Variants in ADAMTS20 observed in about 807,000 individuals in gnomAD.
The protein encoded by ADAMTS20 is A disintegrin and metalloproteinase with thrombospondin motifs 20.
A neutral mutation model predicts 260.1 loss-of-function variants in ADAMTS20; 225 were observed. The observed-to-expected ratio is 0.87, with a 90% CI of 0.78 to 0.97. The LOEUF (loss-of-function observed/expected upper bound fraction) is 0.97. ADAMTS20 is among the 50% of genes least tolerant of loss of function. ADAMTS20 has a pLI of 0.00. For missense variants in ADAMTS20, 2,400 were observed against 2,337.7 expected (o/e 1.03, Z -0.55); for synonymous variants, 802 against 769.5 (o/e 1.04, Z -0.70).
intron 11 of ADAMTS20, among the ~76,000 whole-genome samples, chr12:43,459,810 T>A (rs1039104205): frequency 2.0e-5 from 3 of 152,248 alleles, no homozygotes; most frequent in Non-Finnish European, 2.9e-5. Flanking sequence ...TGCGTGTGCA[T>A]TTTGTTAGCA....
chr12:43,530,659 T>C (rs1214538065), intron 3 of ADAMTS20, among the ~76,000 whole-genome samples: 1 of 152,152 alleles, frequency 6.6e-6, no homozygotes, highest in East Asian at 1.9e-4. Flanking sequence ...GTCTAGATTT[T>C]GTACTTTGAT....
chr12:43,502,255 A>G lies in ADAMTS20; in HGVS notation c.764T>C (p.Ile255Thr), dbSNP rs1243710559. The G allele has an allele frequency of 1.9e-6, 3 of 1,612,268 alleles. No individual in the cohort carries two copies. In the African/African-American group the frequency reaches 4.0e-5, roughly 22 times the overall value. The change falls in exon 4 of 39, where the codon ATA becomes ACA. Residue 255 changes from isoleucine to threonine, a missense_variant. By Grantham distance (89) the Ile-to-Thr change is moderately conservative. Coordinates refer to ENST00000389420, the MANE Select transcript of ADAMTS20 (RefSeq NM_025003.5). Reference sequence around the variant, plus strand: ...AATTTCAATGTATCTTGGATATGATATAAGACGTTTTTTCCTGGAATGTCT... The same window carrying G: ...AATTTCAATGTATCTTGGATATGATGTAAGACGTTTTTTCCTGGAATGTCT... ...ERRHSRKKRLISYPRYIEIMV... is the reference protein window; with the variant it reads ...ERRHSRKKRLTSYPRYIEIMV...
intron 11 of ADAMTS20, among the ~76,000 whole-genome samples, chr12:43,457,159 AT>A (rs1197081856): frequency 4.1e-5 from 6 of 148,058 alleles, no homozygotes; most frequent in Admixed American, 4.0e-4. Context: ...CTTTGACATA[AT>A]TTTTTTCTCT....
chr12:43,360,125 C>T (rs1468348603), intron 37 of ADAMTS20, among the ~76,000 whole-genome samples: 3 of 152,144 alleles, frequency 2.0e-5, no homozygotes, highest in Non-Finnish European at 2.9e-5. Flanking sequence ...AAACAAACAA[C>T]TCAATTTTTA....
chr12:43,457,414 T>C (rs571510914), intron 11 of ADAMTS20, among the ~76,000 whole-genome samples: 133 of 152,282 alleles, frequency 8.7e-4, no homozygotes, highest in Non-Finnish European at 1.8e-3. Context: ...CATATCTTGG[T>C]TTTTTAATTC....
intron 6 of ADAMTS20, among the ~76,000 whole-genome samples, chr12:43,490,800 T>C (rs1457648484): frequency 1.3e-5 from 2 of 152,128 alleles, no homozygotes; most frequent in Admixed American, 6.5e-5. Context: ...AAAATAATGG[T>C]GTTCTCAGAT....
intron 8 of ADAMTS20, among the ~76,000 whole-genome samples, chr12:43,467,521 T>C (rs758579546): frequency 3.9e-5 from 6 of 152,190 alleles, no homozygotes; most frequent in Admixed American, 3.3e-4. Flanking sequence ...CTTACCCATA[T>C]ACTAGAGACA....
At chr12:43,520,079 AT>A (rs1442854605) in intron 3 of ADAMTS20, among the ~76,000 whole-genome samples, 12 of 152,270 alleles carry the variant, frequency 7.9e-5, no homozygotes, top group African/African-American at 2.4e-4. Context: ...CTCAGTTAAA[AT>A]TTTTTTAAAT....
chr12:43,450,282 T>C (rs1218628176), intron 14 of ADAMTS20, among the ~76,000 whole-genome samples: 3 of 152,194 alleles, frequency 2.0e-5, no homozygotes, highest in Non-Finnish European at 4.4e-5. Flanking sequence ...TCTGCATACA[T>C]TGCAATAACT....
intron 33 of ADAMTS20, 39 bp downstream of exon 33, chr12:43,376,485 A>G (rs1940231745): frequency 1.3e-6 from 2 of 1,573,630 alleles, no homozygotes; most frequent in East Asian, 4.5e-5. Flanking sequence ...AACTTATTAG[A>G]AACCCTTAGG....
rs147358876 is a variant in ADAMTS20, at chr12:43,428,279, C to A, written c.3907G>T (p.Val1303Phe). The change falls in exon 26 of 39, where the codon GTC (valine) becomes TTC (phenylalanine). Residue 1303 changes from valine (V) to phenylalanine (F), a missense_variant. Physicochemically the swap from Val to Phe is conservative, Grantham distance 50 (BLOSUM62 -1). Transcript: ENST00000389420. ...CCGGTTCTCCACTGGTTTCCTCTGA[C>A]TGATGGATGGACCACCTGATTTTCA... ...DNENQVVHPS[V>F]RGNQWRTGPW... 8.1e-6 allele frequency: 13 copies of A among 1,613,890 alleles called. No homozygotes were observed. The African/African-American group carries it at 1.2e-4, about 15-fold the overall frequency.
chr12:43,368,454 C>G (rs1458747569), intron 37 of ADAMTS20, among the ~76,000 whole-genome samples: 2 of 152,014 alleles, frequency 1.3e-5, no homozygotes, highest in African/African-American at 2.4e-5. Context: ...CCTTTAAGTT[C>G]TCTAACAGAA....
chr12:43,462,158 G>A (rs1428228215), intron 11 of ADAMTS20, among the ~76,000 whole-genome samples: 1 of 152,178 alleles, frequency 6.6e-6, no homozygotes, highest in East Asian at 1.9e-4. Flanking sequence ...TATCTTTTTT[G>A]GCTAATGTGA....
At chr12:43,546,667 G>A (rs1281687033) in intron 2 of ADAMTS20, among the ~76,000 whole-genome samples, 1 of 152,158 alleles carries the variant, frequency 6.6e-6, no homozygotes, top group Non-Finnish European at 1.5e-5. Flanking sequence ...GTTGGATATA[G>A]GGATATTAAG....
At chr12:43,545,178 T>C (rs948401497) in intron 2 of ADAMTS20, among the ~76,000 whole-genome samples, 6 of 152,138 alleles carry the variant, frequency 3.9e-5, no homozygotes, top group Non-Finnish European at 7.4e-5. Context: ...AGTAGGGTAA[T>C]AGACTACAAC....
At chr12:43,547,858 A>G (rs958711885) in intron 2 of ADAMTS20, among the ~76,000 whole-genome samples, 1 of 152,236 alleles carries the variant, frequency 6.6e-6, no homozygotes, top group African/African-American at 2.4e-5. Context: ...AAAAAAGGCC[A>G]TAAGTTCTCA....
chr12:43,445,701 A>ACACAG, intron 15 of ADAMTS20, among the ~76,000 whole-genome samples: 1 of 127,444 alleles, frequency 7.8e-6, no homozygotes, highest in Non-Finnish European at 1.7e-5. Context: ...CACACACACA[A>ACACAG]ATTAGATGGG....
intron 28 of ADAMTS20, among the ~76,000 whole-genome samples, chr12:43,410,234 T>C (rs1162283781): frequency 6.6e-6 from 1 of 152,158 alleles, no homozygotes; most frequent in African/African-American, 2.4e-5. Context: ...GAGAGACTGG[T>C]ACAGCAGGGT....
chr12:43,491,948 C>T lies in ADAMTS20; in HGVS notation c.1076+557G>A, dbSNP rs192317532. 2.7e-3 allele frequency among the ~76,000 whole-genome samples: 412 copies of T among 152,328 alleles called. 1 individual carries two copies. Among genetic ancestry groups the T allele is most frequent in the Middle Eastern group, 6.8e-3 (2 of 294 alleles). ...TTGTCTTGTTTAGATCAAACCATTA[C>T]TCAGCAACCTGACATTGCTAATTTC... is the stretch of plus-strand genomic sequence containing the variant. On this transcript the variant is annotated intron_variant, in intron 6 of 38. Coordinates refer to ENST00000389420, the MANE Select transcript of ADAMTS20 (RefSeq NM_025003.5).
Sources: allele counts gnomAD v4.1 joint callset (sites outside exome capture counted in the v4.1 genomes callset), GRCh38; gene constraint gnomAD v4.1.1; transcripts MANE v1.5; gene names NCBI Gene and HGNC (gene_info 2026-07-23, HGNC 2026-07-21).